NRG1: variants seen among roughly 807,000 people sequenced by gnomAD.
NRG1 encodes the protein neuregulin 1, also known as pro-neuregulin-1, membrane-bound isoform.
In NRG1, 18 loss-of-function variants were observed where a neutral mutation model predicts 63.8. The ratio of observed to expected loss-of-function variants is 0.28; its 90% CI spans 0.19 to 0.42. The LOEUF (loss-of-function observed/expected upper bound fraction) is 0.42. Ranked by LOEUF, NRG1 falls within the 10% of genes least tolerant of loss-of-function variation. The probability of loss-of-function intolerance (pLI) is 1.00; values close to 1 mark genes in which losing one functional copy is unlikely to be tolerated. For missense variants in NRG1, 762 were observed against 814.7 expected (o/e 0.94, Z 0.79); for synonymous variants, 302 against 301.3 (o/e 1.00, Z -0.02).
intron 1 of NRG1, among the ~76,000 whole-genome samples, chr8:31,708,443 ATTGTTT>A (rs1811371500): frequency 7.6e-6 from 1 of 132,072 alleles, no homozygotes; most frequent in Admixed American, 8.1e-5. Context: ...AATAAACATA[ATTGTTT>A]TTTTTTTTTT....
chr8:32,763,504 A>G, intron 11 of NRG1: 1 of 1,130,096 alleles, frequency 8.8e-7, no homozygotes, highest in Admixed American at 2.6e-5. Flanking sequence ...GAAAATCCCA[A>G]AAGCTTTGAT....
intron 1 of NRG1, among the ~76,000 whole-genome samples, chr8:32,299,335 T>C (rs1446317751): frequency 6.6e-6 from 1 of 152,184 alleles, no homozygotes; most frequent in African/African-American, 2.4e-5. Flanking sequence ...TGCCGAGGAC[T>C]AAAGATAAAT....
rs186005829 is a variant in NRG1, at chr8:31,675,219, G to C, written c.37+35788G>C. Among the ~76,000 whole-genome samples the C allele has an allele frequency of 9.9e-5, 15 of 152,274 alleles. No homozygotes were observed. The East Asian group carries it at 2.7e-3, about 28-fold the overall frequency. Reference sequence around the variant, plus strand: ...TAGCTGGGCGTGGTGGTGGACACGTGTAATCCCAGCTACTCGGGAGGCTGA... The same window carrying C: ...TAGCTGGGCGTGGTGGTGGACACGTCTAATCCCAGCTACTCGGGAGGCTGA... On this transcript the variant is annotated intron_variant, in intron 1 of 10. Coordinates refer to the NRG1 transcript ENST00000519301.
intron 1 of NRG1, among the ~76,000 whole-genome samples, chr8:32,576,953 T>C (rs1217068876): frequency 6.6e-6 from 1 of 152,136 alleles, no homozygotes; most frequent in African/African-American, 2.4e-5. Flanking sequence ...TAGTTGGTTT[T>C]TCAACTCCTG....
chr8:32,353,262 A>G (rs1805880694), intron 1 of NRG1, among the ~76,000 whole-genome samples: 1 of 150,644 alleles, frequency 6.6e-6, no homozygotes, highest in Non-Finnish European at 1.5e-5. Context: ...ATACAATTAT[A>G]TTAATTTTGT....
At chr8:32,451,237 T>C (rs1423401037) in intron 1 of NRG1, among the ~76,000 whole-genome samples, 1 of 152,196 alleles carries the variant, frequency 6.6e-6, no homozygotes, top group South Asian at 2.1e-4. Flanking sequence ...AATCTCACCA[T>C]CAGAGCCATC....
At chr8:31,947,306 CAAAAAAAAAAA>C (rs61713691) in intron 1 of NRG1, among the ~76,000 whole-genome samples, 1 of 132,676 alleles carries the variant, frequency 7.5e-6, no homozygotes, top group Non-Finnish European at 1.5e-5. Context: ...GACTCCGTCT[CAAAAAAAAAAA>C]AAAAAAAAAA....
intron 1 of NRG1, among the ~76,000 whole-genome samples, chr8:31,801,943 A>T (rs899364828): frequency 3.9e-5 from 6 of 152,196 alleles, no homozygotes; most frequent in African/African-American, 1.2e-4. Flanking sequence ...CACTAGAAAG[A>T]CATGATCTGT....
chr8:32,426,999 T>TA (rs921334699), intron 1 of NRG1, among the ~76,000 whole-genome samples: 6 of 152,072 alleles, frequency 3.9e-5, no homozygotes, highest in African/African-American at 1.4e-4. Flanking sequence ...TTTTTTTTTT[T>TA]ATCATTCCTT....
chr8:32,649,834 G>T (rs529612805), intron 5 of NRG1, among the ~76,000 whole-genome samples: 1 of 152,128 alleles, frequency 6.6e-6, no homozygotes, highest in Non-Finnish European at 1.5e-5. Flanking sequence ...CACTGCCTTT[G>T]CTGCCTCTTC....
chr8:31,902,820 C>T (rs190039429), intron 1 of NRG1, among the ~76,000 whole-genome samples: 42 of 152,282 alleles, frequency 2.8e-4, no homozygotes, highest in Middle Eastern at 3.4e-3. Flanking sequence ...TCCCAACCCA[C>T]ATGGCCATGT....
intron 1 of NRG1, among the ~76,000 whole-genome samples, chr8:31,987,746 T>C (rs1810342501): frequency 6.6e-6 from 1 of 151,664 alleles, no homozygotes; most frequent in African/African-American, 2.4e-5. Flanking sequence ...AACCTAAAAG[T>C]TGGAAGGAAA....
intron 1 of NRG1, among the ~76,000 whole-genome samples, chr8:32,027,887 A>G (rs1167087278): frequency 6.6e-6 from 1 of 152,140 alleles, no homozygotes; most frequent in East Asian, 1.9e-4. Context: ...TTAAGCCACT[A>G]TTTCATTCCG....
intron 1 of NRG1, among the ~76,000 whole-genome samples, chr8:32,589,655 A>G (rs1196476859): frequency 1.3e-5 from 2 of 152,312 alleles, no homozygotes; most frequent in African/African-American, 4.8e-5. Context: ...AGAAATAACA[A>G]CTTACCTAGT....
chr8:32,542,438 A>T lies in NRG1; in HGVS notation c.38-53390A>T, dbSNP rs573434226. ...TTACATATGAAAGTAATATTTATTC[A>T]TTCACCAAAAAGTGTAAAGAGAGGT... On this transcript the variant is annotated intron_variant, in intron 1 of 10. Transcript: ENST00000519301. Among the ~76,000 whole-genome samples, 283 of 152,356 alleles carry T rather than the reference A, an allele frequency of 1.9e-3. 4 individuals carry two copies. Among genetic ancestry groups the T allele is most frequent in the Non-Finnish European group, 1.7e-3 (116 of 68,036 alleles).
Position 31,959,483 on chromosome 8 carries a change from GTCA to G in NRG1, c.37+320060_37+320062del, listed in dbSNP as rs892651425. On this transcript the variant is annotated intron_variant, in intron 1 of 10. Coordinates refer to the NRG1 transcript ENST00000519301. ...CAGCATCACCAGGCAATACCAATTT[GTCA>G]TCATCATGCTGAATGGGGAGAGGTT... 6.8e-4 allele frequency among the ~76,000 whole-genome samples: 103 copies of G among 152,132 alleles called. 2 individuals are homozygous for G. Among genetic ancestry groups the G allele is most frequent in the Non-Finnish European group, 1.0e-4 (7 of 68,024 alleles).
At chr8:31,814,894 C>T (rs1022413280) in intron 1 of NRG1, among the ~76,000 whole-genome samples, 1 of 151,962 alleles carries the variant, frequency 6.6e-6, no homozygotes, top group African/African-American at 2.4e-5. Context: ...CTGCAAGCCT[C>T]TTCTGAATTA....
At position 32,747,736 on chromosome 8, in the gene NRG1, A is replaced by G. The variant is rs1000057314; in HGVS notation, c.691+5003A>G. ...TGTGTGCATATATGTGTGTGTGTAT[A>G]TATATATATATATATATATATACTT... On this transcript the variant is annotated intron_variant, in intron 7 of 11. Transcript: ENST00000356819. Among the ~76,000 whole-genome samples, 17 of 144,432 alleles carry G rather than the reference A, an allele frequency of 1.2e-4. 1 individual carries two copies. The highest frequency in any genetic ancestry group is 8.5e-4 in the South Asian group (4 of 4,688). 94.8% of individuals were successfully genotyped at this position (144,432 alleles called of 152,430 possible).
intron 1 of NRG1, among the ~76,000 whole-genome samples, chr8:32,351,508 C>A (rs182960286): frequency 6.6e-6 from 1 of 152,298 alleles, no homozygotes; most frequent in African/African-American, 2.4e-5. Flanking sequence ...TCCTTTGTTA[C>A]TGCCTCAATT....
Sources: gnomAD v4.1 joint callset for allele counts (sites outside exome capture counted in the v4.1 genomes callset) on GRCh38, gnomAD v4.1.1 for gene constraint, MANE v1.5 for transcripts, NCBI Gene and HGNC (gene_info 2026-07-23, HGNC 2026-07-21) for gene names.